POU1F1: variants seen among roughly 807,000 people sequenced by gnomAD.
The protein encoded by POU1F1 is POU class 1 homeobox 1, also known as pituitary-specific positive transcription factor 1.
POU1F1 carries 23 observed loss-of-function variants against 32.3 expected under a neutral mutation model. That is an observed-to-expected ratio of 0.71 (90% confidence interval 0.51 to 1.01). The LOEUF (loss-of-function observed/expected upper bound fraction) is 1.01. Ranked by LOEUF, POU1F1 falls within the 50% of genes least tolerant of loss-of-function variation. POU1F1 has a pLI of 0.00. For missense variants in POU1F1, 323 were observed against 341.6 expected, an observed-to-expected ratio of 0.95 and a Z score of 0.43; for synonymous variants, 120 against 115.6, an observed-to-expected ratio of 1.04 and a Z score of -0.25.
chr3:87,275,906 A>T (rs752770519), intron 1 of POU1F1, among the ~76,000 whole-genome samples: 1 of 152,128 alleles, frequency 6.6e-6, no homozygotes, highest in Admixed American at 6.6e-5. Flanking sequence ...CTGTTTTTAG[A>T]TAGTAAATGT....
chr3:87,272,488 C>T (rs1262230194), intron 2 of POU1F1, among the ~76,000 whole-genome samples: 2 of 152,126 alleles, frequency 1.3e-5, no homozygotes, highest in African/African-American at 4.8e-5. Context: ...CATAATAAAA[C>T]TGTGTACTTT....
At chr3:87,261,922 G>A in intron 4 of POU1F1, 149 bp downstream of exon 4, 1 of 882,722 alleles carries the variant, frequency 1.1e-6, no homozygotes, top group East Asian at 2.7e-5. Context: ...TTGTTTTAGT[G>A]TGATATAACA....
chr3:87,264,277 C>A lies in POU1F1; in HGVS notation c.439+11G>T. 17 of 1,598,160 alleles carry A rather than the reference C, an allele frequency of 1.1e-5. No homozygotes were observed. Among genetic ancestry groups the A allele is most frequent in the Non-Finnish European group, 1.5e-5 (17 of 1,165,748 alleles). On this transcript the variant is annotated intron_variant, in intron 3 of 5. Transcript: ENST00000350375. ...AAGTTCTTTTTCCTGTTGCCTTTAACAAGCACATACCTAATTTAATTCGTC... is the reference window on the plus strand; with the variant it reads ...AAGTTCTTTTTCCTGTTGCCTTTAAAAAGCACATACCTAATTTAATTCGTC...
intron 2 of POU1F1, among the ~76,000 whole-genome samples, chr3:87,266,417 C>A (rs1706623772): frequency 6.8e-6 from 1 of 147,572 alleles, no homozygotes; most frequent in Non-Finnish European, 1.5e-5. Context: ...GTAATTATAT[C>A]TAATAGGGTA....
chr3:87,270,650 T>A (rs982950994), intron 2 of POU1F1, among the ~76,000 whole-genome samples: 22 of 152,308 alleles, frequency 1.4e-4, no homozygotes, highest in Middle Eastern at 3.4e-3. Flanking sequence ...GTCGTTGTTG[T>A]TGTTAAGACA....
chr3:87,276,308 TA>T lies in POU1F1; in HGVS notation c.142+12del, dbSNP rs754424883. The T allele has an allele frequency of 1.2e-6, 2 of 1,613,080 alleles. No individual in the cohort carries two copies. The highest frequency in any genetic ancestry group is 1.7e-6 in the Non-Finnish European group (2 of 1,179,048). On this transcript the variant is annotated intron_variant, in intron 1 of 5. Transcript: ENST00000350375. ...AGGCCCGGTCATATGTAAACTGTCATAGGAGTCAGTACCTGTAGACATCACA... is the reference window on the plus strand; with the variant it reads ...AGGCCCGGTCATATGTAAACTGTCATGGAGTCAGTACCTGTAGACATCACA...
Position 87,264,245 on chromosome 3 carries a change from G to T in POU1F1, c.439+43C>A, listed in dbSNP as rs377498923. 70 of 1,488,824 alleles carry T rather than the reference G, an allele frequency of 4.7e-5. 1 individual carries two copies. Among genetic ancestry groups the T allele is most frequent in the Non-Finnish European group, 6.3e-5 (67 of 1,067,454 alleles). 92.2% of individuals were successfully genotyped at this position (1,488,824 alleles called of 1,614,324 possible). A position where few individuals can be genotyped will look rare whatever the true frequency, so the allele number is the denominator to read the frequency against. On this transcript the variant is annotated intron_variant, in intron 3 of 5. Transcript: ENST00000350375. Reference sequence around the variant, plus strand: ...AGAGATTTAACAGCAATAAAGATTTGCAAACCAAGTTCTTTTTCCTGTTGC... The same window carrying T: ...AGAGATTTAACAGCAATAAAGATTTTCAAACCAAGTTCTTTTTCCTGTTGC...
intron 3 of POU1F1, 132 bp downstream of exon 3, chr3:87,264,156 G>C (rs908731051): frequency 1.4e-5 from 10 of 733,090 alleles, no homozygotes; most frequent in Non-Finnish European, 2.3e-5. Context: ...TTTCCATAAC[G>C]ACTAACTACG....
intron 2 of POU1F1, among the ~76,000 whole-genome samples, chr3:87,270,298 T>C (rs553578405): frequency 3.9e-5 from 6 of 152,262 alleles, no homozygotes; most frequent in Non-Finnish European, 5.9e-5. Context: ...TATGAAGAGA[T>C]TGGAACTCAG....
rs769927338 is a variant in POU1F1 at position 87,273,329 on chromosome 3, A to G, written c.214+18T>C. 3.1e-6 allele frequency: 5 copies of G among 1,606,632 alleles called. No individual in the cohort carries two copies. In the South Asian group the frequency reaches 5.5e-5, roughly 18 times the overall value. On this transcript the variant is annotated intron_variant, in intron 2 of 5. Transcript: ENST00000350375. ...GTGTCCCCAAATTCAATAACATGTA[A>G]AAGACAACTTTTCTTACCTGCCATC...
chr3:87,262,597 C>T (rs572554383), intron 3 of POU1F1, among the ~76,000 whole-genome samples: 1 of 151,850 alleles, frequency 6.6e-6, no homozygotes, highest in South Asian at 2.1e-4. Flanking sequence ...AATATATGCT[C>T]AAAAAATTTT....
chr3:87,261,469 C>T (rs945023910), intron 4 of POU1F1, 136 bp from the exon 5 acceptor site: 1 of 678,706 alleles, frequency 1.5e-6, no homozygotes, highest in Non-Finnish European at 2.5e-6. Context: ...TAAATTTTTG[C>T]AGTCTTTTTC....
intron 2 of POU1F1, among the ~76,000 whole-genome samples, chr3:87,266,448 A>G (rs1473800745): frequency 6.7e-6 from 1 of 150,118 alleles, no homozygotes; most frequent in East Asian, 1.9e-4. Flanking sequence ...TCTAAAACAA[A>G]GTAAACATAC....
At chr3:87,265,533 C>T (rs191037551) in intron 2 of POU1F1, among the ~76,000 whole-genome samples, 5 of 151,962 alleles carry the variant, frequency 3.3e-5, no homozygotes, top group East Asian at 1.9e-4. Flanking sequence ...CAATTTTTAT[C>T]GACAAAGATT....
At chr3:87,271,526 C>T (rs563241118) in intron 2 of POU1F1, among the ~76,000 whole-genome samples, 1 of 152,272 alleles carries the variant, frequency 6.6e-6, no homozygotes, top group African/African-American at 2.4e-5. Context: ...TACCTTGGTT[C>T]CTGGGAGTTC....
intron 2 of POU1F1, among the ~76,000 whole-genome samples, chr3:87,271,448 C>A (rs909603636): frequency 6.6e-6 from 1 of 152,148 alleles, no homozygotes; most frequent in Non-Finnish European, 1.5e-5. Context: ...TGGTTTTAAT[C>A]TTGGTGCCAA....
intron 4 of POU1F1, among the ~76,000 whole-genome samples, chr3:87,261,557 C>T (rs995038159): frequency 6.6e-6 from 1 of 152,108 alleles, no homozygotes; most frequent in African/African-American, 2.4e-5. Context: ...AAATAATATC[C>T]TCACTTTACT....
rs182814656 is a variant in POU1F1, at chr3:87,272,564, T to C, written c.214+783A>G. 2.2e-3 allele frequency among the ~76,000 whole-genome samples: 339 copies of C among 152,252 alleles called. 1 individual carries two copies. Among genetic ancestry groups the C allele is most frequent in the Non-Finnish European group, 3.9e-3 (268 of 68,012 alleles). On this transcript the variant is annotated intron_variant, in intron 2 of 5. Transcript: ENST00000350375. ...TAAACAAGAATTTTTGATGAATAGA[T>C]CTCATAAGCCAGATCTACGCATTCC...
Position 87,276,572 on chromosome 3 carries a change from T to C in POU1F1, c.-110A>G. On this transcript the variant is annotated 5_prime_UTR_variant, in exon 1 of 6. An upstream start codon of the reference 5' UTR is lost. Transcript: ENST00000350375. ...AATTCTCACTACCTGCATATATACA[T>C]CAGGAAGGCTCTGAGGCACCAGGAG... 1.5e-6 allele frequency: 2 copies of C among 1,297,112 alleles called. No homozygotes were observed. The highest frequency in any genetic ancestry group is 2.2e-6 in the Non-Finnish European group (2 of 923,160). 80.4% of individuals were successfully genotyped at this position (1,297,112 alleles called of 1,614,324 possible).
Sources: gnomAD v4.1 joint callset for allele counts (sites outside exome capture counted in the v4.1 genomes callset) on GRCh38, gnomAD v4.1.1 for gene constraint, MANE v1.5 for transcripts, NCBI Gene and HGNC (gene_info 2026-07-23, HGNC 2026-07-21) for gene names.